Variants in TSR1 observed in about 807,000 individuals in gnomAD.
The protein encoded by TSR1 is pre-rRNA-processing protein TSR1 homolog.
A neutral mutation model predicts 90.9 loss-of-function variants in TSR1; 81 were observed. The ratio of observed to expected loss-of-function variants is 0.89; its 90% CI spans 0.74 to 1.07. The LOEUF is 1.07. Ranked by LOEUF, TSR1 falls within the 50% of genes least tolerant of loss-of-function variation. TSR1 has a pLI of 0.00. For synonymous variants in TSR1, 362 were observed against 348.8 expected, an observed-to-expected ratio of 1.04 and a Z score of -0.42; for missense variants, 989 against 987.3, an observed-to-expected ratio of 1.00 and a Z score of -0.02.
intron 5 of TSR1, 56 bp downstream of exon 5, chr17:2,334,414 TAA>T: frequency 1.3e-6 from 2 of 1,553,866 alleles, no homozygotes; most frequent in Non-Finnish European, 1.7e-6. Context: ...TCTCTGAATT[TAA>T]GTTTCCTTCC....
At chr17:2,326,785 A>C (rs995159817) in intron 11 of TSR1, among the ~76,000 whole-genome samples, 2 of 152,126 alleles carry the variant, frequency 1.3e-5, no homozygotes, top group African/African-American at 4.8e-5. Context: ...TGCAAAGCAC[A>C]TGCCACCACA....
Position 2,334,584 on chromosome 17 carries a change from T to C in TSR1, c.869A>G (p.His290Arg), listed in dbSNP as rs776431499. 3.1e-6 allele frequency: 5 copies of C among 1,614,090 alleles called. No homozygotes were observed. The highest frequency in any genetic ancestry group is 3.4e-6 in the Non-Finnish European group (4 of 1,180,058). The change falls in exon 5 of 15, where the codon CAT becomes CGT. Residue 290 changes from histidine to arginine, a missense_variant. Coordinates refer to ENST00000301364, the MANE Select transcript of TSR1 (RefSeq NM_018128.5). Reference sequence around the variant, plus strand: ...CTGGAAATCACCATATCCAACGATATGCAGCAACCTATTGACATTCAGAGT... The same window carrying C: ...CTGGAAATCACCATATCCAACGATACGCAGCAACCTATTGACATTCAGAGT... ...GQTLNVNRLL[H>R]IVGYGDFQMK...
In TSR1 at chr17:2,336,417, T is replaced by A. The variant is rs777550910; in HGVS notation, c.11A>T (p.His4Leu). ...CTGCTGCTTGAGCGGGCCGGGGCGGTGGGCCGCCATGCCGCAGCGCGCGTG... is the reference window on the plus strand; with the variant it reads ...CTGCTGCTTGAGCGGGCCGGGGCGGAGGGCCGCCATGCCGCAGCGCGCGTG... The part of the protein sequence containing the change: MAA[H>L]RPGPLKQQNK... The change falls in exon 1 of 15, where the codon CAC (histidine) becomes CTC (leucine). Residue 4 changes from histidine to leucine, a missense_variant. His to Leu is a moderately conservative substitution (Grantham distance 99). Transcript: ENST00000301364. 6.2e-7 allele frequency: 1 copy of A among 1,610,766 alleles called. No individual in the cohort carries two copies. Among genetic ancestry groups the A allele is most frequent in the East Asian group, 2.2e-5 (1 of 44,876 alleles).
chr17:2,330,504 C>G lies in TSR1; in HGVS notation c.1770+11G>C, dbSNP rs906285528. On this transcript the variant is annotated intron_variant, in intron 10 of 14. Coordinates refer to ENST00000301364, the MANE Select transcript of TSR1 (RefSeq NM_018128.5). ...CACAACCCCCCATTTTCCCACAAGACAGCAATTTACCTTCTGTTCATGAGG... is the reference window on the plus strand; with the variant it reads ...CACAACCCCCCATTTTCCCACAAGAGAGCAATTTACCTTCTGTTCATGAGG... 6.2e-7 allele frequency: 1 copy of G among 1,610,900 alleles called. No homozygotes were observed. The highest frequency in any genetic ancestry group is 8.5e-7 in the Non-Finnish European group (1 of 1,177,396).
chr17:2,335,502 T>C lies in TSR1; in HGVS notation c.421+9A>G. The stretch of plus-strand genomic sequence containing the variant: ...AAACATAATACAAAATATTGGTGTA[T>C]ACTCTAACCTGGCCTTGCTGAGGTG... On this transcript the variant is annotated intron_variant, in intron 3 of 14. Coordinates refer to ENST00000301364, the MANE Select transcript of TSR1 (RefSeq NM_018128.5). The C allele has an allele frequency of 6.2e-7, 1 of 1,612,582 alleles. No individual in the cohort carries two copies. Among genetic ancestry groups the C allele is most frequent in the Non-Finnish European group, 8.5e-7 (1 of 1,179,482 alleles).
At position 2,336,089 on chromosome 17, in the gene TSR1, C is replaced by G. The variant is rs752959987; in HGVS notation, c.149G>C (p.Arg50Thr). Reference sequence around the variant, plus strand: ...GCTGGCGCGATGCCTCTGGTCGACTCTGCTGAGTTCTTTTCTCACCTTCTT... The same window carrying G: ...GCTGGCGCGATGCCTCTGGTCGACTGTGCTGAGTTCTTTTCTCACCTTCTT... The part of the protein sequence containing the change: ...LSKKVRKELS[R>T]VDQRHRASQL... The change falls in exon 2 of 15, where the codon AGA becomes ACA. Residue 50 changes from arginine (R) to threonine (T), a missense_variant. Transcript: ENST00000301364. 5.6e-6 allele frequency: 9 copies of G among 1,614,102 alleles called. No homozygotes were observed. The highest frequency in any genetic ancestry group is 1.6e-4 in the Middle Eastern group (1 of 6,084).
At position 2,324,135 on chromosome 17, in the gene TSR1, T is replaced by C. The variant is rs1352683836; in HGVS notation, c.*61A>G. 5 of 1,505,642 alleles carry C rather than the reference T, an allele frequency of 3.3e-6. No individual in the cohort carries two copies. In the African/African-American group the frequency reaches 7.0e-5, roughly 21 times the overall value. 93.3% of individuals were successfully genotyped at this position (1,505,642 alleles called of 1,614,324 possible). On this transcript the variant is annotated 3_prime_UTR_variant, in exon 15 of 15. Transcript: ENST00000301364. ...AAAATAAACTTTGCCCAATCACAACTTGTGCCTCCCATCCCTGGAGTACTG... is the reference window on the plus strand; with the variant it reads ...AAAATAAACTTTGCCCAATCACAACCTGTGCCTCCCATCCCTGGAGTACTG...
Position 2,330,932 on chromosome 17 carries a change from AAGG to A in TSR1, c.1659+12_1659+14del, listed in dbSNP as rs1410298463. 28 of 1,565,706 alleles carry A rather than the reference AAGG, an allele frequency of 1.8e-5. No individual in the cohort carries two copies. The highest frequency in any genetic ancestry group is 2.4e-5 in the Non-Finnish European group (28 of 1,162,518). ...AATGAAAGCAACATACAAGATGAAC[AAGG>A]AGGATAGATACCTCAGCTCCTTCAA... On this transcript the variant is annotated intron_variant, in intron 9 of 14. Transcript: ENST00000301364.
chr17:2,335,288 G>T lies in TSR1; in HGVS notation c.528C>A (p.Cys176Ter). Residue 176 changes from cysteine (C) to a stop codon, truncating the protein, a stop_gained, in exon 4 of 15, where the codon TGC becomes TGA. Transcript: ENST00000301364. LOFTEE classifies it high-confidence loss of function. Reference sequence around the variant, plus strand: ...AGGTCGGAAGGCCCTGAGCAAAGAGGCAGGAAAGACAGTAATCACCGGTGC... The same window carrying T: ...AGGTCGGAAGGCCCTGAGCAAAGAGTCAGGAAAGACAGTAATCACCGGTGC... ...WDSTGDYCLS[C>*]LFAQGLPTYT... 1 of 1,614,008 alleles carries T rather than the reference G, an allele frequency of 6.2e-7. No individual in the cohort carries two copies. Among genetic ancestry groups the T allele is most frequent in the Non-Finnish European group, 8.5e-7 (1 of 1,179,998 alleles).
In TSR1 at chr17:2,335,591, T is replaced by C. The variant is rs2064055480; in HGVS notation, c.341A>G (p.Asn114Ser). The C allele has an allele frequency of 6.2e-7, 1 of 1,614,206 alleles. No homozygotes were observed. Among genetic ancestry groups the C allele is most frequent in the Admixed American group, 1.7e-5 (1 of 60,022 alleles). ...QDRDTGTVHL[N>S]ELGNTQNFML... ...AAAGTTCTGGGTGTTTCCCAATTCA[T>C]TCAAGTGTACTGTTCCAGTGTCCCT... Residue 114 changes from asparagine to serine, a missense_variant, in exon 3 of 15, where the codon AAT (asparagine) becomes AGT (serine). Transcript: ENST00000301364.
Position 2,330,523 on chromosome 17 carries a change from C to A in TSR1, c.1762G>T (p.Glu588Ter). The A allele has an allele frequency of 1.2e-6, 2 of 1,613,662 alleles. No individual in the cohort carries two copies. Among genetic ancestry groups the A allele is most frequent in the Non-Finnish European group, 8.5e-7 (1 of 1,179,784 alleles). The change falls in exon 10 of 15, where the codon GAA becomes TAA. Residue 588 changes from glutamate (E) to a stop codon, truncating the protein, a stop_gained. Coordinates refer to ENST00000301364, the MANE Select transcript of TSR1 (RefSeq NM_018128.5). LOFTEE classifies it high-confidence loss of function. ...ACAAGACAGCAATTTACCTTCTGTT[C>A]ATGAGGTAGTAAAGAAAATGCAATC... ...PLIAFSLLPH[E>*]QKMSVLNMVV... is the part of the protein sequence containing the mutation.
rs781713228 is a variant in TSR1 at position 2,332,394 on chromosome 17, T to C, written c.1306-35A>G. On this transcript the variant is annotated intron_variant, in intron 7 of 14. Transcript: ENST00000301364. ...AGGATTACAGTTTTTTCAGAAGAAA[T>C]CCACACCTGTCTCTACCCCAAAGGC... The C allele has an allele frequency of 9.7e-6, 15 of 1,542,758 alleles. No individual in the cohort carries two copies. In the South Asian group the frequency reaches 1.9e-4, roughly 19 times the overall value.
intron 8 of TSR1, among the ~76,000 whole-genome samples, chr17:2,331,567 T>TC (rs1226211385): frequency 6.6e-6 from 1 of 152,022 alleles, no homozygotes; most frequent in Non-Finnish European, 1.5e-5. Context: ...CATGACTTGC[T>TC]CCCCCTCCAC....
chr17:2,328,041 G>A (rs959751786), intron 11 of TSR1, among the ~76,000 whole-genome samples: 4 of 151,154 alleles, frequency 2.6e-5, no homozygotes, highest in African/African-American at 9.7e-5. Context: ...GCCTAAGGTC[G>A]AGACCAGCCT....
At position 2,323,645 on chromosome 17, in the gene TSR1, A is replaced by G. The variant is rs751584409; in HGVS notation, c.*551T>C. 7.4e-6 allele frequency: 12 copies of G among 1,613,648 alleles called. No homozygotes were observed. Among genetic ancestry groups the G allele is most frequent in the Middle Eastern group, 1.6e-4 (1 of 6,080 alleles). On this transcript the variant is annotated 3_prime_UTR_variant, in exon 15 of 15. Coordinates refer to ENST00000301364, the MANE Select transcript of TSR1 (RefSeq NM_018128.5). Reference sequence around the variant, plus strand: ...CTTTCACTAATTCCTACTCCCTTCCATATCAACAGTGTGCAACCCAGCTGG... The same window carrying G: ...CTTTCACTAATTCCTACTCCCTTCCGTATCAACAGTGTGCAACCCAGCTGG...
chr17:2,328,148 C>T (rs932416385), intron 11 of TSR1, among the ~76,000 whole-genome samples: 2 of 146,410 alleles, frequency 1.4e-5, no homozygotes, highest in South Asian at 4.3e-4. Flanking sequence ...GAAGCTGAGG[C>T]AGGAAAACTG....
chr17:2,325,849 G>C (rs2075573561), intron 11 of TSR1, among the ~76,000 whole-genome samples: 1 of 152,112 alleles, frequency 6.6e-6, no homozygotes, highest in Non-Finnish European at 1.5e-5. Context: ...CTCACCTTGT[G>C]ATCCACCCAC....
intron 11 of TSR1, among the ~76,000 whole-genome samples, chr17:2,327,650 C>T (rs2075583028): frequency 1.3e-5 from 2 of 152,142 alleles, no homozygotes; most frequent in Admixed American, 6.6e-5. Flanking sequence ...AGTATCAGTA[C>T]ATCACATACA....
At position 2,323,083 on chromosome 17, in the gene TSR1, T is replaced by G; in HGVS notation, c.*1113A>C. 4 of 1,574,230 alleles carry G rather than the reference T, an allele frequency of 2.5e-6. No individual in the cohort carries two copies. The South Asian group carries it at 3.3e-5, about 13-fold the overall frequency. ...CCAGGCCCATATTTTCTTTTAGACA[T>G]GCAGGCAATGTTGTGGTTTGTTGTT... On this transcript the variant is annotated 3_prime_UTR_variant, in exon 15 of 15. Coordinates refer to ENST00000301364, the MANE Select transcript of TSR1 (RefSeq NM_018128.5).
Sources: allele counts gnomAD v4.1 joint callset (sites outside exome capture counted in the v4.1 genomes callset), GRCh38; gene constraint gnomAD v4.1.1; transcripts MANE v1.5; gene names NCBI Gene and HGNC (gene_info 2026-07-23, HGNC 2026-07-21).